The following GDF5 variants were observed in gnomAD, a reference collection of about 807,000 sequenced individuals.
GDF5 encodes growth/differentiation factor 5.
GDF5 carries 17 observed loss-of-function variants against 34.6 expected under a neutral mutation model. That is an observed-to-expected ratio of 0.49 (90% CI 0.34 to 0.74). GDF5 has a LOEUF of 0.74. Ranked by LOEUF, GDF5 falls within the 30% of genes least tolerant of loss-of-function variation. The pLI is 0.01. For synonymous variants in GDF5, 332 were observed against 290.7 expected (o/e 1.14, Z -1.44); for missense variants, 616 against 661.2 (o/e 0.93, Z 0.75).
chr20:35,443,959 C>G (rs1324934538), intron 1 of GDF5, among the ~76,000 whole-genome samples: 1 of 152,150 alleles, frequency 6.6e-6, no homozygotes, highest in Non-Finnish European at 1.5e-5. Context: ...CCCGAGATCT[C>G]TCCGGGAGTC....
In GDF5 at chr20:35,438,159, C is replaced by CCAGT; in HGVS notation, c.-235_-232dup. 1 of 584,520 alleles carries CCAGT rather than the reference C, an allele frequency of 1.7e-6. No individual in the cohort carries two copies. Among genetic ancestry groups the CCAGT allele is most frequent in the Non-Finnish European group, 3.0e-6 (1 of 327,960 alleles). 36.2% of individuals were successfully genotyped at this position (584,520 alleles called of 1,614,324 possible). On this transcript the variant is annotated 5_prime_UTR_variant, in exon 1 of 2. Transcript: ENST00000374369. ...TCTCGTATCCAGACGTGCACCGTCTCCAGTCAGCAGCTGAAAATAACTCGT... is the reference window on the plus strand; with the variant it reads ...TCTCGTATCCAGACGTGCACCGTCTCCAGTCAGTCAGCAGCTGAAAATAACTCGT...
At chr20:35,447,707 G>A (rs552649102) in intron 1 of GDF5, among the ~76,000 whole-genome samples, 16 of 152,222 alleles carry the variant, frequency 1.1e-4, no homozygotes, top group Admixed American at 8.5e-4. Context: ...GAATGCAAAA[G>A]AAAATATTTT....
At chr20:35,437,238 C>T (rs2062475953) in intron 1 of GDF5, 60 bp downstream of exon 1, 1 of 1,224,590 alleles carries the variant, frequency 8.2e-7, no homozygotes, top group South Asian at 1.3e-5. Flanking sequence ...TTTGAAAGCC[C>T]CTCCATTCAT....
At chr20:35,440,468 C>G (rs1324967579), upstream of GDF5, among the ~76,000 whole-genome samples, 1 of 152,088 alleles carries the variant, frequency 6.6e-6, no homozygotes, top group Non-Finnish European at 1.5e-5. Context: ...CTATGATTCT[C>G]CCCTATAACT....
rs146290337 is a variant in GDF5, at chr20:35,437,582, T to C, written c.347A>G (p.Gln116Arg). ...TGGGGTCACAGTCCGGGCTGTAGCC[T>C]GCCTTGTTTGGGGAGGGTGTCCTGG... is the stretch of plus-strand genomic sequence containing the variant. ...PKPGHPPQTR[Q>R]ATARTVTPKG... is the part of the protein sequence containing the mutation. Residue 116 changes from glutamine (Q) to arginine (R), a missense_variant, in exon 1 of 2, where the codon CAG becomes CGG. By Grantham distance (43) the Gln-to-Arg change is conservative. Transcript: ENST00000374369. The C allele has an allele frequency of 6.1e-5, 98 of 1,614,152 alleles. 1 individual carries two copies. In the African/African-American group the frequency reaches 1.3e-3, roughly 21 times the overall value.
At chr20:35,441,548 G>A (rs568575982), upstream of GDF5, among the ~76,000 whole-genome samples, 27 of 149,520 alleles carry the variant, frequency 1.8e-4, no homozygotes, top group Non-Finnish European at 3.3e-4. Flanking sequence ...TCCACCCCCC[G>A]GGTTCAAGTG....
intron 1 of GDF5, among the ~76,000 whole-genome samples, chr20:35,449,412 G>C (rs1407714876): frequency 2.0e-5 from 3 of 152,094 alleles, no homozygotes; most frequent in African/African-American, 2.4e-5. Context: ...GAATAGTTGG[G>C]ACTACAGTAG....
rs373006138 is a variant in GDF5 at position 35,448,593 on chromosome 20, G to A, written c.-398+6047C>T. Among the ~76,000 whole-genome samples the A allele has an allele frequency of 6.1e-4, 93 of 151,706 alleles. 3 individuals carry two copies. The East Asian group carries it at 6.2e-3, about 10-fold the overall frequency. On this transcript the variant is annotated intron_variant, in intron 1 of 3. Coordinates refer to the GDF5 transcript ENST00000374372. ...CGAGCAGCTGGGATCACAGGTGCAC[G>A]ACACCAGGCCCGGCTAATTTGTGTA...
intron 1 of GDF5, among the ~76,000 whole-genome samples, chr20:35,451,804 G>T (rs764667219): frequency 2.0e-5 from 3 of 152,024 alleles, no homozygotes; most frequent in African/African-American, 7.2e-5. Context: ...AAAGTGCTGG[G>T]GTTACAGGCG....
At chr20:35,437,030 G>A (rs1291907677) in intron 1 of GDF5, among the ~76,000 whole-genome samples, 1 of 152,222 alleles carries the variant, frequency 6.6e-6, no homozygotes, top group Non-Finnish European at 1.5e-5. Flanking sequence ...CCACGAACTG[G>A]CAGGTCTTGT....
chr20:35,451,064 A>AATATATATAT (rs1555824832), intron 1 of GDF5, among the ~76,000 whole-genome samples: 1 of 69,136 alleles, frequency 1.4e-5, no homozygotes, highest in Non-Finnish European at 2.8e-5. Flanking sequence ...AAAAAAAAAA[A>AATATATATAT]ATATATATAT....
At position 35,438,025 on chromosome 20, in the gene GDF5, A is replaced by G. The variant is rs960967052; in HGVS notation, c.-97T>C. The G allele has an allele frequency of 1.4e-6, 2 of 1,401,330 alleles. No individual in the cohort carries two copies. Among genetic ancestry groups the G allele is most frequent in the Admixed American group, 1.9e-5 (1 of 53,468 alleles). 86.8% of individuals were successfully genotyped at this position (1,401,330 alleles called of 1,614,324 possible). ...AAAACCATGAAAGGAGTGGACTTTCAAAAGCAGCGGCAGCAGCAGTAGCAG... is the reference window on the plus strand; with the variant it reads ...AAAACCATGAAAGGAGTGGACTTTCGAAAGCAGCGGCAGCAGCAGTAGCAG... On this transcript the variant is annotated 5_prime_UTR_variant, in exon 1 of 2. Transcript: ENST00000374369.
rs147779125 is a variant in GDF5, at chr20:35,434,675, G to C, written c.740C>G (p.Ser247Trp). The C allele has an allele frequency of 6.2e-7, 1 of 1,612,746 alleles. No individual in the cohort carries two copies. Among genetic ancestry groups the C allele is most frequent in the African/African-American group, 1.3e-5 (1 of 74,914 alleles). Residue 247 changes from serine to tryptophan, a missense_variant, in exon 2 of 2, where the codon TCG becomes TGG. By Grantham distance (177) the Ser-to-Trp change is radical (BLOSUM62 -3). Transcript: ENST00000374369. ...AELRILRKKP[S>W]DTAKPAAPGG... Reference sequence around the variant, plus strand: ...GGGGGCCGCTGGCTTGGCCGTGTCCGAGGGCTTCTTCCGCAAGATCCGCAG... The same window carrying C: ...GGGGGCCGCTGGCTTGGCCGTGTCCCAGGGCTTCTTCCGCAAGATCCGCAG...
At chr20:35,447,488 A>G (rs138367194) in intron 1 of GDF5, among the ~76,000 whole-genome samples, 98 of 152,290 alleles carry the variant, frequency 6.4e-4, no homozygotes, top group African/African-American at 2.2e-3. Context: ...TACCTGTACT[A>G]CAATCTGAAG....
upstream of GDF5, among the ~76,000 whole-genome samples, chr20:35,438,678 C>T (rs538778532): frequency 6.6e-6 from 1 of 152,288 alleles, no homozygotes; most frequent in African/African-American, 2.4e-5. Flanking sequence ...CAGCCCACCC[C>T]ACTTTCCCGA....
chr20:35,437,249 G>A lies in GDF5; in HGVS notation c.631+49C>T, dbSNP rs189568856. On this transcript the variant is annotated intron_variant, in intron 1 of 1. Coordinates refer to ENST00000374369, the MANE Select transcript of GDF5 (RefSeq NM_000557.5). The stretch of plus-strand genomic sequence containing the variant: ...GGGCTTTGAAAGCCCCTCCATTCAT[G>A]CAGATGCCCCTCCCTCTGAGCCGTG... 2.2e-4 allele frequency: 284 copies of A among 1,300,942 alleles called. 1 individual carries two copies. The highest frequency in any genetic ancestry group is 4.2e-4 in the African/African-American group (29 of 69,400). The allele number at this position is 1,300,942 out of a possible 1,614,324, so 80.6% of individuals were successfully genotyped here.
chr20:35,435,409 G>A (rs536160946), intron 1 of GDF5: 6 of 126,088 alleles, frequency 4.8e-5, no homozygotes, highest in South Asian at 2.7e-4. Flanking sequence ...CCGTGAATTC[G>A]CTATTGCACT....
At position 35,443,533 on chromosome 20, in the gene GDF5, AC is replaced by A. The variant is rs200216405; in HGVS notation, c.-397-2147del. ...ATTATTATTATTATTATTTTTGGAGACAGAGTCTAGTTCTGTTGCCCAGGCT... is the reference window on the plus strand; with the variant it reads ...ATTATTATTATTATTATTTTTGGAGAAGAGTCTAGTTCTGTTGCCCAGGCT... On this transcript the variant is annotated intron_variant, in intron 1 of 3. Coordinates refer to the GDF5 transcript ENST00000374372. Among the ~76,000 whole-genome samples, 91 of 148,024 alleles carry A rather than the reference AC, an allele frequency of 6.1e-4. 2 individuals are homozygous for A. The East Asian group carries it at 0.016, about 26-fold the overall frequency.
At chr20:35,451,078 T>TATATATATATATATAA in intron 1 of GDF5, among the ~76,000 whole-genome samples, 1 of 43,036 alleles carries the variant, frequency 2.3e-5, no homozygotes, top group Non-Finnish European at 3.9e-5. Context: ...TATATATATA[T>TATATATATATATATAA]ATATATATAT....
Sources: allele counts gnomAD v4.1 joint callset (sites outside exome capture counted in the v4.1 genomes callset), GRCh38; gene constraint gnomAD v4.1.1; transcripts MANE v1.5; gene names NCBI Gene and HGNC (gene_info 2026-07-23, HGNC 2026-07-21).